Variants in CD109 observed in about 807,000 individuals in gnomAD.
CD109 encodes CD109 antigen.
Under a neutral mutation model 165.8 loss-of-function variants are expected in CD109, and 149 were observed. That is an observed-to-expected ratio of 0.90 (90% CI 0.79 to 1.03). The LOEUF (loss-of-function observed/expected upper bound fraction) is 1.03. Among genes scored for constraint, CD109 ranks in the 50% least tolerant of loss-of-function variants. The probability of loss-of-function intolerance (pLI) is 0.00; values close to 1 mark genes in which losing one functional copy is unlikely to be tolerated. For synonymous variants in CD109, 585 were observed against 592.1 expected, an observed-to-expected ratio of 0.99 and a Z score of 0.18; for missense variants, 1,712 against 1,677.8, an observed-to-expected ratio of 1.02 and a Z score of -0.36.
chr6:73,816,076 A>G (rs753233455), intron 30 of CD109, among the ~76,000 whole-genome samples: 8 of 152,066 alleles, frequency 5.3e-5, no homozygotes, highest in Non-Finnish European at 1.0e-4. Context: ...CTTCACAGCT[A>G]TTGCCTGGAC....
At position 73,771,490 on chromosome 6, in the gene CD109, C is replaced by A; in HGVS notation, c.1736C>A (p.Ser579Tyr). Residue 579 changes from serine to tyrosine, a missense_variant, in exon 15 of 33, where the codon TCT becomes TAT. By Grantham distance (144) the Ser-to-Tyr change is moderately radical (BLOSUM62 -2). Coordinates refer to ENST00000287097, the MANE Select transcript of CD109 (RefSeq NM_133493.5). ...EPSEKVSLRI[S>Y]VTQPDSIVGI... ...TCTGAGAAAGTCTCTCTTAGGATCT[C>A]TGTGACACAGCCTGACTCCATAGTT... 6.2e-7 allele frequency: 1 copy of A among 1,611,254 alleles called. No individual in the cohort carries two copies. The highest frequency in any genetic ancestry group is 8.5e-7 in the Non-Finnish European group (1 of 1,178,700).
chr6:73,767,889 G>A (rs1215694551), intron 13 of CD109, among the ~76,000 whole-genome samples, 166 bp from the exon 14 acceptor site: 1 of 152,092 alleles, frequency 6.6e-6, no homozygotes, highest in Non-Finnish European at 1.5e-5. Context: ...TTTTCTCAGT[G>A]TATGCTCTCT....
chr6:73,741,463 G>A (rs1034387802), intron 5 of CD109, among the ~76,000 whole-genome samples: 9 of 152,012 alleles, frequency 5.9e-5, no homozygotes, highest in African/African-American at 1.9e-4. Flanking sequence ...TATACTTTAG[G>A]TACATTATAA....
chr6:73,684,158 AGTT>A, the CD109 span, among the ~76,000 whole-genome samples: 1 of 150,702 alleles, frequency 6.6e-6, no homozygotes, highest in Non-Finnish European at 1.5e-5. Flanking sequence ...ATCATACAGT[AGTT>A]CTATTTTTAA....
chr6:73,681,240 A>G, the CD109 span, among the ~76,000 whole-genome samples: 1 of 152,078 alleles, frequency 6.6e-6, no homozygotes, highest in Admixed American at 6.6e-5. Context: ...AATGTGATAT[A>G]TGTGATGTTT....
At chr6:73,716,602 A>C (rs1771753525) in intron 2 of CD109, among the ~76,000 whole-genome samples, 1 of 152,116 alleles carries the variant, frequency 6.6e-6, no homozygotes, top group Admixed American at 6.6e-5. Context: ...GTCTATTCAG[A>C]TCGTTTTCCC....
Position 73,749,111 on chromosome 6 carries a change from A to C in CD109, c.634-7532A>C, listed in dbSNP as rs117690010. Among the ~76,000 whole-genome samples, 215 of 152,314 alleles carry C rather than the reference A, an allele frequency of 1.4e-3. 3 individuals are homozygous for C. In the East Asian group the frequency reaches 0.034, roughly 24 times the overall value. On this transcript the variant is annotated intron_variant, in intron 5 of 32. Coordinates refer to ENST00000287097, the MANE Select transcript of CD109 (RefSeq NM_133493.5). ...TGTGTTGTATGCGAGGGTGGGAAGA[A>C]ACACCAGTCAGTACACATCTAAAGG...
chr6:73,819,734 C>T (rs1776048572), intron 31 of CD109, among the ~76,000 whole-genome samples: 2 of 152,176 alleles, frequency 1.3e-5, no homozygotes, highest in South Asian at 2.1e-4. Flanking sequence ...AAGCACTGCT[C>T]AAAAGCCATT....
intron 15 of CD109, among the ~76,000 whole-genome samples, chr6:73,777,053 G>C (rs1774277331): frequency 9.7e-6 from 1 of 103,128 alleles, no homozygotes; most frequent in African/African-American, 4.1e-5. Context: ...CCACCTCCCG[G>C]GTTCAAGTGA....
chr6:73,765,894 C>A (rs1159303264), intron 10 of CD109, 36 bp from the exon 11 acceptor site: 1 of 1,426,708 alleles, frequency 7.0e-7, no homozygotes, highest in African/African-American at 1.4e-5. Context: ...TACTTAAATC[C>A]TTTGTGTTTT....
the CD109 span, among the ~76,000 whole-genome samples, chr6:73,683,222 T>C: frequency 8.5e-5 from 13 of 152,228 alleles, no homozygotes; most frequent in Non-Finnish European, 1.8e-4. Flanking sequence ...TGAAAGCCTT[T>C]AACAGCACCC....
chr6:73,714,841 A>G (rs1317571147), intron 2 of CD109, among the ~76,000 whole-genome samples: 1 of 152,256 alleles, frequency 6.6e-6, no homozygotes, highest in East Asian at 1.9e-4. Context: ...GAGAGAAAAG[A>G]GTTCAAGATG....
At position 73,762,882 on chromosome 6, in the gene CD109, G is replaced by A. The variant is rs751693579; in HGVS notation, c.997G>A (p.Gly333Ser). The change falls in exon 9 of 33, where the codon GGT becomes AGT. Residue 333 changes from glycine (G) to serine (S), a missense_variant and splice_region_variant. Coordinates refer to ENST00000287097, the MANE Select transcript of CD109 (RefSeq NM_133493.5). ...AACCACAGTGACAGAATCAGTTACA[G>A]GTTTGTAGACTTTAAAGTGGAGGTA... ...ILTTVTESVT[G>S]ISRNVSTNVF... 13 of 1,604,202 alleles carry A rather than the reference G, an allele frequency of 8.1e-6. No homozygotes were observed. Among genetic ancestry groups the A allele is most frequent in the Non-Finnish European group, 1.0e-5 (12 of 1,177,634 alleles).
In CD109 at chr6:73,806,990, G is replaced by A; in HGVS notation, c.3107G>A (p.Ser1036Asn). 6.2e-7 allele frequency: 1 copy of A among 1,614,022 alleles called. No homozygotes were observed. Residue 1036 changes from serine to asparagine, a missense_variant, in exon 25 of 33, where the codon AGT (serine) becomes AAT (asparagine). Coordinates refer to ENST00000287097, the MANE Select transcript of CD109 (RefSeq NM_133493.5). ...EFWDPGRVIH[S>N]ELQGGNKSPV... is the part of the protein sequence containing the mutation. ...TGGGATCCAGGAAGAGTGATTCATA[G>A]TGAGCTTCAAGGTGGCAATAAAAGT...
rs938939215 is a variant in CD109 at position 73,827,063 on chromosome 6, A to G, written c.*3430A>G. On this transcript the variant is annotated 3_prime_UTR_variant, in exon 33 of 33. Coordinates refer to ENST00000287097, the MANE Select transcript of CD109 (RefSeq NM_133493.5). ...TCATTTTTTAAAAAAGAATTATTTTATTAACCTGCTGGCATATAATCTGGA... is the reference window on the plus strand; with the variant it reads ...TCATTTTTTAAAAAAGAATTATTTTGTTAACCTGCTGGCATATAATCTGGA... 1.3e-5 allele frequency: 2 copies of G among 152,190 alleles called. No homozygotes were observed. Among genetic ancestry groups the G allele is most frequent in the Non-Finnish European group, 2.9e-5 (2 of 68,020 alleles). The allele number at this position is 152,190 out of a possible 1,614,324, so 9.4% of individuals were successfully genotyped here.
chr6:73,728,525 A>G (rs1225897055), intron 3 of CD109, among the ~76,000 whole-genome samples: 2 of 152,210 alleles, frequency 1.3e-5, no homozygotes, highest in African/African-American at 2.4e-5. Context: ...GCTCTATCAT[A>G]CATCTATCCA....
chr6:73,780,600 G>A, intron 16 of CD109, 102 bp downstream of exon 16: 2 of 766,392 alleles, frequency 2.6e-6, no homozygotes, highest in Admixed American at 2.2e-5. Context: ...TTTATTAAAT[G>A]TGTCACTGAA....
chr6:73,756,099 A>G (rs1773380128), intron 5 of CD109, among the ~76,000 whole-genome samples: 1 of 152,222 alleles, frequency 6.6e-6, no homozygotes, highest in Admixed American at 6.5e-5. Context: ...ACCACATAGG[A>G]TGTATTGATT....
chr6:73,685,973 G>A, the CD109 span, among the ~76,000 whole-genome samples: 2 of 152,236 alleles, frequency 1.3e-5, no homozygotes, highest in Admixed American at 6.5e-5. Context: ...TGAAGGTGAT[G>A]AGAGTATGCA....
Sources: allele counts gnomAD v4.1 joint callset (sites outside exome capture counted in the v4.1 genomes callset), GRCh38; gene constraint gnomAD v4.1.1; transcripts MANE v1.5; gene names NCBI Gene and HGNC (gene_info 2026-07-23, HGNC 2026-07-21).